The following METTL2B variants were observed in gnomAD, a reference collection of about 807,000 sequenced individuals.
METTL2B encodes the protein tRNA N(3)-cytidine methyltransferase METTL2B.
METTL2B carries 28 observed loss-of-function variants against 51.0 expected under a neutral mutation model. That is an observed-to-expected ratio of 0.55 (90% CI 0.41 to 0.75). The LOEUF (loss-of-function observed/expected upper bound fraction) is 0.75. Among genes scored for constraint, METTL2B ranks in the 30% least tolerant of loss-of-function variants. The probability of loss-of-function intolerance (pLI) is 0.00; values close to 1 mark genes in which losing one functional copy is unlikely to be tolerated. For synonymous variants in METTL2B, 128 were observed against 166.3 expected (o/e 0.77, Z 1.77); for missense variants, 313 against 460.7 (o/e 0.68, Z 2.93).
At chr7:128,497,581 C>T (rs966088974) in intron 6 of METTL2B, among the ~76,000 whole-genome samples, 8 of 152,190 alleles carry the variant, frequency 5.3e-5, no homozygotes, top group African/African-American at 1.9e-4. Context: ...CTCCCAGGTT[C>T]CAGAAGTTCT....
chr7:128,506,107 GT>G lies in METTL2B; in HGVS notation c.*4192del, dbSNP rs1481431964. 1 of 152,006 alleles carries G rather than the reference GT, an allele frequency of 6.6e-6. No homozygotes were observed. The highest frequency in any genetic ancestry group is 1.5e-5 in the Non-Finnish European group (1 of 68,004). 9.4% of individuals were successfully genotyped at this position (152,006 alleles called of 1,614,324 possible). A position where few individuals can be genotyped will look rare whatever the true frequency, so the allele number is the denominator to read the frequency against. Reference sequence around the variant, plus strand: ...TCCCAAAGTGCTGGGATGAGCCACCGTGACTGGCCCCACTTAATGGGTTTTC... The same window carrying G: ...TCCCAAAGTGCTGGGATGAGCCACCGGACTGGCCCCACTTAATGGGTTTTC... On this transcript the variant is annotated 3_prime_UTR_variant, in exon 9 of 9. Transcript: ENST00000262432.
intron 7 of METTL2B, among the ~76,000 whole-genome samples, chr7:128,498,656 G>T (rs974078983): frequency 2.0e-5 from 3 of 151,994 alleles, no homozygotes; most frequent in Non-Finnish European, 4.4e-5. Context: ...AGATATTGAG[G>T]TCTTTTTAAG....
chr7:128,490,325 C>CTTTTT lies in METTL2B; in HGVS notation c.669+2178_669+2182dup, dbSNP rs56261578. Among the ~76,000 whole-genome samples the CTTTTT allele has an allele frequency of 1.5e-3, 201 of 131,836 alleles. 3 individuals are homozygous for CTTTTT. The highest frequency in any genetic ancestry group is 5.9e-3 in the South Asian group (24 of 4,080). 86.5% of individuals were successfully genotyped at this position (131,836 alleles called of 152,430 possible). On this transcript the variant is annotated intron_variant, in intron 5 of 8. Coordinates refer to ENST00000262432, the MANE Select transcript of METTL2B (RefSeq NM_018396.3). ...AATTCAGTTACATCTTCAGGCTTCACTTTTTTTTTTTTTTTTTTGAGACAG... is the reference window on the plus strand; with the variant it reads ...AATTCAGTTACATCTTCAGGCTTCACTTTTTTTTTTTTTTTTTTTTTTTGAGACAG...
intron 2 of METTL2B, among the ~76,000 whole-genome samples, chr7:128,477,672 G>T (rs1266304135): frequency 6.6e-6 from 1 of 151,838 alleles, no homozygotes; most frequent in East Asian, 1.9e-4. Context: ...GGATGCAGCA[G>T]AGTGGAGATA....
chr7:128,498,181 T>C lies in METTL2B; in HGVS notation c.916+39T>C, dbSNP rs183821396. The stretch of plus-strand genomic sequence containing the variant: ...GCTGAATCCTAACCACTAGAGATCA[T>C]GTCCTTTGCAGGGACATGGATGAAG... On this transcript the variant is annotated intron_variant, in intron 7 of 8. Transcript: ENST00000262432. The C allele has an allele frequency of 4.4e-4, 713 of 1,604,572 alleles. 2 individuals carry two copies. In the African/African-American group the frequency reaches 8.4e-3, roughly 19 times the overall value.
At chr7:128,486,048 G>T (rs577668338) in intron 4 of METTL2B, among the ~76,000 whole-genome samples, 20 of 152,232 alleles carry the variant, frequency 1.3e-4, no homozygotes, top group Non-Finnish European at 2.8e-4. Context: ...AATCCCAGCA[G>T]TTTGAGAGGC....
intron 4 of METTL2B, among the ~76,000 whole-genome samples, chr7:128,482,699 A>G (rs1374158736): frequency 1.3e-5 from 2 of 151,856 alleles, no homozygotes; most frequent in Non-Finnish European, 2.9e-5. Context: ...ATGCCCAGCT[A>G]ATTTTTGTAT....
chr7:128,499,174 G>A (rs1007211299), intron 7 of METTL2B, among the ~76,000 whole-genome samples: 2 of 152,180 alleles, frequency 1.3e-5, no homozygotes, highest in African/African-American at 4.8e-5. Context: ...AACTGATAAG[G>A]ATCAGTGACC....
chr7:128,482,034 G>A (rs1799878415), intron 4 of METTL2B, among the ~76,000 whole-genome samples: 1 of 152,194 alleles, frequency 6.6e-6, no homozygotes, highest in Admixed American at 6.6e-5. Context: ...AACATAATCT[G>A]CATTTCTATT....
chr7:128,492,719 C>T (rs1407601818), intron 5 of METTL2B, among the ~76,000 whole-genome samples: 1 of 151,946 alleles, frequency 6.6e-6, no homozygotes, highest in Admixed American at 6.6e-5. Context: ...CGGGTTCACG[C>T]CATTCTCCTG....
intron 3 of METTL2B, 134 bp downstream of exon 3, chr7:128,479,647 T>A (rs1432638071): frequency 5.4e-6 from 5 of 918,928 alleles, no homozygotes. Context: ...TATATTAGCC[T>A]GGAATCACCT....
At position 128,502,279 on chromosome 7, in the gene METTL2B, A is replaced by G. The variant is rs116938895; in HGVS notation, c.*363A>G. On this transcript the variant is annotated 3_prime_UTR_variant, in exon 9 of 9. Transcript: ENST00000262432. ...CTCAAGTTCTTTCTTTGAGACCTCA[A>G]TCTGTCTTAGCATTTTGTAACTAAT... The G allele has an allele frequency of 5.6e-3, 1,431 of 253,420 alleles. 22 individuals carry two copies. Among genetic ancestry groups the G allele is most frequent in the South Asian group, 0.034 (716 of 20,820 alleles). The allele number at this position is 253,420 out of a possible 1,614,324, so 15.7% of individuals were successfully genotyped here. A position where few individuals can be genotyped will look rare whatever the true frequency, so the allele number is the denominator to read the frequency against.
rs1422668749 is a variant in METTL2B at position 128,503,815 on chromosome 7, T to C, written c.*1899T>C. ...GAGTTCCAGTCCAGCCCGGCTAACA[T>C]AGTGAAACCCCGTCTCCACTAAAAA... On this transcript the variant is annotated 3_prime_UTR_variant, in exon 9 of 9. Transcript: ENST00000262432. 1.3e-5 allele frequency: 2 copies of C among 152,018 alleles called. No individual in the cohort carries two copies. The highest frequency in any genetic ancestry group is 1.3e-4 in the Admixed American group (2 of 15,248). 9.4% of individuals were successfully genotyped at this position (152,018 alleles called of 1,614,324 possible). A position where few individuals can be genotyped will look rare whatever the true frequency, so the allele number is the denominator to read the frequency against.
At chr7:128,499,411 G>A (rs1204869940) in intron 7 of METTL2B, among the ~76,000 whole-genome samples, 1 of 152,132 alleles carries the variant, frequency 6.6e-6, no homozygotes, top group Admixed American at 6.5e-5. Flanking sequence ...GGAGCGCAAT[G>A]GCGCGATCTC....
intron 2 of METTL2B, 63 bp downstream of exon 2, chr7:128,477,236 G>T (rs1799814179): frequency 1.9e-6 from 3 of 1,604,066 alleles, no homozygotes; most frequent in Non-Finnish European, 1.7e-6. Flanking sequence ...CGCCCTCCCG[G>T]AGAGGCCAGG....
chr7:128,500,092 A>G (rs1793002177), intron 7 of METTL2B, among the ~76,000 whole-genome samples: 1 of 152,128 alleles, frequency 6.6e-6, no homozygotes, highest in Non-Finnish European at 1.5e-5. Context: ...AAATAAGTAT[A>G]CACGTGTGAT....
At chr7:128,495,482 A>C (rs1366895803) in intron 6 of METTL2B, among the ~76,000 whole-genome samples, 1 of 150,842 alleles carries the variant, frequency 6.6e-6, no homozygotes, top group Non-Finnish European at 1.5e-5. Flanking sequence ...ATGGAGTCTC[A>C]CTCTGTTGCC....
chr7:128,481,286 C>A (rs775117218), intron 4 of METTL2B, among the ~76,000 whole-genome samples: 1 of 152,222 alleles, frequency 6.6e-6, no homozygotes, highest in Non-Finnish European at 1.5e-5. Context: ...TCAATTCTGA[C>A]ACTGTCTACT....
At chr7:128,501,623 A>C (rs1455744576) in intron 8 of METTL2B, 139 bp from the exon 9 acceptor site, 1 of 1,481,634 alleles carries the variant, frequency 6.7e-7, no homozygotes, top group African/African-American at 1.4e-5. Context: ...TTACCAAGCC[A>C]CCACTGCATT....
Sources: allele counts gnomAD v4.1 joint callset (sites outside exome capture counted in the v4.1 genomes callset), GRCh38; gene constraint gnomAD v4.1.1; transcripts MANE v1.5; gene names NCBI Gene and HGNC (gene_info 2026-07-23, HGNC 2026-07-21).